CLECL1: variants seen among roughly 807,000 people sequenced by gnomAD.
The protein encoded by CLECL1 is C-type lectin-like domain family 1.
chr12:9,717,279 A>G (rs1164531323), intron 2 of CLECL1, among the ~76,000 whole-genome samples: 1 of 152,248 alleles, frequency 6.6e-6, no homozygotes, highest in Middle Eastern at 3.4e-3. Flanking sequence ...GCGTTGTGGC[A>G]CGCACCTATA....
downstream of CLECL1, among the ~76,000 whole-genome samples, chr12:9,720,482 A>G (rs1329692877): frequency 6.6e-6 from 1 of 151,730 alleles, no homozygotes; most frequent in East Asian, 1.9e-4. Context: ...AGCTGGGATT[A>G]CAGGCATCAC....
At chr12:9,718,430 T>C (rs1308553185), downstream of CLECL1, among the ~76,000 whole-genome samples, 2 of 151,650 alleles carry the variant, frequency 1.3e-5, no homozygotes, top group African/African-American at 4.8e-5. Context: ...CATTTGTGAG[T>C]TTGTCCATTT....
intron 3 of CLECL1, among the ~76,000 whole-genome samples, chr12:9,723,684 C>A (rs778532544): frequency 2.5e-4 from 38 of 152,160 alleles, no homozygotes; most frequent in Non-Finnish European, 7.3e-5. Context: ...AGAGAAACCA[C>A]AGATGCTGAA....
downstream of CLECL1, chr12:9,718,587 C>A: frequency 2.1e-6 from 1 of 471,522 alleles, no homozygotes; most frequent in Non-Finnish European, 3.7e-6. Flanking sequence ...TCGCCACTAT[C>A]TCAGAATGTG....
intron 2 of CLECL1, among the ~76,000 whole-genome samples, chr12:9,728,685 G>A (rs979276091): frequency 1.3e-5 from 2 of 151,906 alleles, no homozygotes; most frequent in Admixed American, 6.6e-5. Context: ...AAGTAGTATA[G>A]TAGGGATTTT....
At chr12:9,720,372 G>C (rs1355944782), downstream of CLECL1, among the ~76,000 whole-genome samples, 1 of 142,178 alleles carries the variant, frequency 7.0e-6, no homozygotes, top group South Asian at 2.2e-4. Flanking sequence ...ATGGAGTTTC[G>C]CTCTTGTTGC....
chr12:9,709,641 T>C, the CLECL1 span, among the ~76,000 whole-genome samples: 1 of 152,178 alleles, frequency 6.6e-6, no homozygotes, highest in Non-Finnish European at 1.5e-5. Context: ...AGGAATGAGC[T>C]TTGTATCACA....
At chr12:9,715,222 C>T (rs1213299169), downstream of CLECL1, among the ~76,000 whole-genome samples, 3 of 152,174 alleles carry the variant, frequency 2.0e-5, no homozygotes, top group Admixed American at 6.5e-5. Context: ...TTTTCTGCTG[C>T]GTAACTTTTT....
intron 1 of CLECL1, among the ~76,000 whole-genome samples, chr12:9,731,852 A>G (rs1401445689): frequency 6.6e-6 from 1 of 152,204 alleles, no homozygotes; most frequent in Non-Finnish European, 1.5e-5. Flanking sequence ...GGAATCAAAA[A>G]TATTGGTTTT....
downstream of CLECL1, among the ~76,000 whole-genome samples, chr12:9,713,986 G>A (rs1866216284): frequency 6.6e-6 from 1 of 152,144 alleles, no homozygotes; most frequent in Non-Finnish European, 1.5e-5. Context: ...ACAGTAATTA[G>A]TAAGGTTAAA....
At chr12:9,728,053 T>C (rs1866400664) in intron 2 of CLECL1, among the ~76,000 whole-genome samples, 1 of 151,836 alleles carries the variant, frequency 6.6e-6, no homozygotes, top group South Asian at 2.1e-4. Context: ...GGTTGATGTT[T>C]TGTATGTTTT....
At chr12:9,703,595 G>A in the CLECL1 span, among the ~76,000 whole-genome samples, 9 of 151,988 alleles carry the variant, frequency 5.9e-5, no homozygotes, top group African/African-American at 1.7e-4. Flanking sequence ...GAGTTACACC[G>A]TGTTGCCAAG....
the CLECL1 span, among the ~76,000 whole-genome samples, chr12:9,706,351 T>C: frequency 6.6e-6 from 1 of 152,216 alleles, no homozygotes; most frequent in Non-Finnish European, 1.5e-5. Context: ...GCTTTATTTC[T>C]TTCCCTTGCC....
intron 3 of CLECL1, among the ~76,000 whole-genome samples, chr12:9,724,481 C>T (rs1157231879): frequency 1.3e-5 from 2 of 151,640 alleles, no homozygotes; most frequent in Non-Finnish European, 2.9e-5. Context: ...TGCTTTCAAA[C>T]GATGAAAAAA....
intron 3 of CLECL1, among the ~76,000 whole-genome samples, chr12:9,727,148 G>T (rs938316696): frequency 6.6e-6 from 1 of 151,556 alleles, no homozygotes. Flanking sequence ...ACATTCATAC[G>T]AGAGAGCAAA....
chr12:9,726,506 C>G (rs1223071356), intron 3 of CLECL1, among the ~76,000 whole-genome samples: 2 of 151,792 alleles, frequency 1.3e-5, no homozygotes, highest in Admixed American at 1.3e-4. Context: ...AAGCAAAGGC[C>G]CACTGCACAT....
chr12:9,720,591 G>A (rs1021621291), downstream of CLECL1, among the ~76,000 whole-genome samples: 4 of 151,974 alleles, frequency 2.6e-5, no homozygotes, highest in Non-Finnish European at 4.4e-5. Flanking sequence ...ATCTGACCAC[G>A]TTGGCCCCCC....
chr12:9,708,715 C>T, the CLECL1 span, among the ~76,000 whole-genome samples: 4 of 152,302 alleles, frequency 2.6e-5, no homozygotes, highest in Non-Finnish European at 4.4e-5. Flanking sequence ...GGGTACCTAC[C>T]GCATTGGTAC....
exon 3 of CLECL1, chr12:9,716,232 C>T (rs117867819): frequency 3.4e-3 from 522 of 152,606 alleles, no homozygotes; most frequent in Non-Finnish European, 5.0e-3. Context: ...GCCCTCACAA[C>T]TTGCCTTTTC....
Sources: gnomAD v4.1 joint callset for allele counts (sites outside exome capture counted in the v4.1 genomes callset) on GRCh38, gnomAD v4.1.1 for gene constraint, MANE v1.5 for transcripts, NCBI Gene and HGNC (gene_info 2026-07-23, HGNC 2026-07-21) for gene names.